Variants in SRPK2 observed in about 807,000 individuals in gnomAD.
SRPK2 encodes SFRS protein kinase 2.
In SRPK2, 21 loss-of-function variants were observed where a neutral mutation model predicts 90.8. That is an observed-to-expected ratio of 0.23 (90% CI 0.16 to 0.33). The LOEUF (loss-of-function observed/expected upper bound fraction) is 0.33, where lower values mean the gene tolerates loss of function less well. Among genes scored for constraint, SRPK2 ranks in the 10% least tolerant of loss-of-function variants. The pLI is 1.00. For synonymous variants in SRPK2, 288 were observed against 311.1 expected (o/e 0.93, Z 0.78); for missense variants, 620 against 869.0 (o/e 0.71, Z 3.60).
chr7:105,174,314 C>T (rs1246251169), intron 3 of SRPK2, among the ~76,000 whole-genome samples: 1 of 152,056 alleles, frequency 6.6e-6, no homozygotes, highest in African/African-American at 2.4e-5. Flanking sequence ...ATAAAGGTTC[C>T]CTTTTCCTTG....
intron 5 of SRPK2, 150 bp downstream of exon 5, chr7:105,167,858 G>C: frequency 8.2e-6 from 5 of 613,094 alleles, no homozygotes; most frequent in Non-Finnish European, 1.4e-5. Context: ...TGATCTGCTC[G>C]CTTTGGCCTC....
At chr7:105,296,345 G>A (rs1232811030) in intron 2 of SRPK2, among the ~76,000 whole-genome samples, 1 of 152,012 alleles carries the variant, frequency 6.6e-6, no homozygotes, top group African/African-American at 2.4e-5. Flanking sequence ...CTGAATCTTG[G>A]CCTTCCTAGC....
intron 2 of SRPK2, among the ~76,000 whole-genome samples, chr7:105,348,116 C>T (rs1397117656): frequency 2.1e-5 from 2 of 95,958 alleles, no homozygotes; most frequent in Non-Finnish European, 3.9e-5. Flanking sequence ...CGCTCTTGTT[C>T]CCCAGGCTGG....
chr7:105,254,827 T>G (rs1172370643), intron 2 of SRPK2, among the ~76,000 whole-genome samples: 1 of 151,522 alleles, frequency 6.6e-6, no homozygotes, highest in Non-Finnish European at 1.5e-5. Context: ...GGAGCTGGGA[T>G]TACAGGTGTA....
At chr7:105,345,023 C>A (rs1213341293) in intron 2 of SRPK2, among the ~76,000 whole-genome samples, 3 of 152,030 alleles carry the variant, frequency 2.0e-5, no homozygotes, top group Non-Finnish European at 2.9e-5. Context: ...GTAATCCCAG[C>A]CACTCAGGAG....
intron 2 of SRPK2, among the ~76,000 whole-genome samples, chr7:105,371,241 G>A (rs532858934): frequency 6.9e-6 from 1 of 145,684 alleles, no homozygotes; most frequent in Admixed American, 6.9e-5. Context: ...CCATCTCTAC[G>A]AAAAATACAA....
chr7:105,391,537 G>A (rs1048887906), upstream of SRPK2, among the ~76,000 whole-genome samples: 7 of 152,090 alleles, frequency 4.6e-5, no homozygotes, highest in African/African-American at 1.4e-4. Flanking sequence ...AAGGCCAAAC[G>A]TGATGTCTCA....
chr7:105,163,057 A>G (rs1451776708), intron 6 of SRPK2, among the ~76,000 whole-genome samples: 3 of 152,264 alleles, frequency 2.0e-5, no homozygotes, highest in Non-Finnish European at 4.4e-5. Flanking sequence ...TAACATTAGC[A>G]GCCACTGGTA....
At chr7:105,310,031 T>TCC (rs2131371338) in intron 2 of SRPK2, among the ~76,000 whole-genome samples, 1 of 152,278 alleles carries the variant, frequency 6.6e-6, no homozygotes, top group South Asian at 2.1e-4. Context: ...AGGGAAATCC[T>TCC]CCCTCTGGGG....
At chr7:105,371,263 G>C (rs951023301) in intron 2 of SRPK2, among the ~76,000 whole-genome samples, 4 of 151,412 alleles carry the variant, frequency 2.6e-5, no homozygotes, top group African/African-American at 9.7e-5. Flanking sequence ...AATCAACCAG[G>C]CATGGTGGCA....
At chr7:105,390,620 T>C (rs528008772), upstream of SRPK2, among the ~76,000 whole-genome samples, 36 of 148,658 alleles carry the variant, frequency 2.4e-4, no homozygotes, top group African/African-American at 8.4e-4. Context: ...TTTTTTTTTT[T>C]TTTTTTTTTT....
At chr7:105,361,700 A>C (rs1818443135) in intron 2 of SRPK2, among the ~76,000 whole-genome samples, 1 of 152,168 alleles carries the variant, frequency 6.6e-6, no homozygotes, top group Non-Finnish European at 1.5e-5. Context: ...TCTTTGACAA[A>C]CCTGACAAAA....
At chr7:105,269,063 T>A in intron 2 of SRPK2, 1 of 1,238,950 alleles carries the variant, frequency 8.1e-7, no homozygotes, top group African/African-American at 1.5e-5. Context: ...TGCTAAACTA[T>A]GCACATGACT....
At chr7:105,247,990 G>C (rs1427583591) in intron 2 of SRPK2, among the ~76,000 whole-genome samples, 1 of 151,926 alleles carries the variant, frequency 6.6e-6, no homozygotes, top group Non-Finnish European at 1.5e-5. Context: ...GAGTAGCTGG[G>C]ATTACAGGCA....
At chr7:105,392,684 C>T (rs1822211816), upstream of SRPK2, among the ~76,000 whole-genome samples, 1 of 151,362 alleles carries the variant, frequency 6.6e-6, no homozygotes, top group South Asian at 2.1e-4. Flanking sequence ...TTTTAGTAGA[C>T]ACGGGTTTTC....
chr7:105,162,424 A>C (rs1807816866), intron 6 of SRPK2, among the ~76,000 whole-genome samples: 1 of 152,174 alleles, frequency 6.6e-6, no homozygotes, highest in African/African-American at 2.4e-5. Context: ...CATGTCATTC[A>C]TACAGGAAGA....
chr7:105,365,953 C>T (rs999290858), intron 2 of SRPK2, among the ~76,000 whole-genome samples: 2 of 151,540 alleles, frequency 1.3e-5, no homozygotes, highest in Non-Finnish European at 2.9e-5. Context: ...CTCCAGGGTT[C>T]AAGTGATTCT....
chr7:105,193,649 T>TTC (rs1563064700), intron 3 of SRPK2, among the ~76,000 whole-genome samples: 2 of 152,212 alleles, frequency 1.3e-5, no homozygotes, highest in African/African-American at 4.8e-5. Context: ...GCAATACTGA[T>TTC]TCTACCCACC....
intron 2 of SRPK2, among the ~76,000 whole-genome samples, chr7:105,349,773 T>G (rs1000883425): frequency 6.6e-6 from 1 of 151,948 alleles, no homozygotes; most frequent in Non-Finnish European, 1.5e-5. Flanking sequence ...GGAGTCTCGC[T>G]CTGTCGCCAG....
Sources: gnomAD v4.1 joint callset for allele counts (sites outside exome capture counted in the v4.1 genomes callset) on GRCh38, gnomAD v4.1.1 for gene constraint, MANE v1.5 for transcripts, NCBI Gene and HGNC (gene_info 2026-07-23, HGNC 2026-07-21) for gene names.